The following ARFGEF1 variants were observed in gnomAD, a reference collection of about 807,000 sequenced individuals.
ARFGEF1 encodes the protein brefeldin A-inhibited guanine nucleotide-exchange protein 1.
Under a neutral mutation model 231.0 loss-of-function variants are expected in ARFGEF1, and 42 were observed. That is an observed-to-expected ratio of 0.18 (90% CI 0.14 to 0.24). The LOEUF (loss-of-function observed/expected upper bound fraction) is 0.24. Among genes scored for constraint, ARFGEF1 ranks in the 10% least tolerant of loss-of-function variants. The pLI, the probability that ARFGEF1 is intolerant of heterozygous loss-of-function variation, is 1.00. For missense variants in ARFGEF1, 1,345 were observed against 2,192.0 expected (o/e 0.61, Z 7.72); for synonymous variants, 710 against 732.3 (o/e 0.97, Z 0.49).
chr8:67,241,706 TAAC>T (rs1214546482), intron 19 of ARFGEF1, among the ~76,000 whole-genome samples: 1 of 151,888 alleles, frequency 6.6e-6, no homozygotes, highest in Admixed American at 6.6e-5. Context: ...ACACCAAATT[TAAC>T]AACTATCTAC....
chr8:67,315,993 A>C (rs1385565318), intron 1 of ARFGEF1, among the ~76,000 whole-genome samples: 2 of 152,160 alleles, frequency 1.3e-5, no homozygotes, highest in Non-Finnish European at 2.9e-5. Context: ...AGAAATCAAC[A>C]AAACTGAAAA....
chr8:67,265,575 T>C (rs1317671387), intron 14 of ARFGEF1, among the ~76,000 whole-genome samples: 2 of 152,116 alleles, frequency 1.3e-5, no homozygotes, highest in African/African-American at 4.8e-5. Flanking sequence ...CTCATCAACA[T>C]ATAAAAATGA....
downstream of ARFGEF1, chr8:67,195,637 G>A (rs746426693): frequency 2.6e-6 from 4 of 1,552,498 alleles, no homozygotes; most frequent in South Asian, 3.4e-5. Flanking sequence ...AAGGTGAAAG[G>A]AATGGTAAAT....
chr8:67,174,716 G>A (rs1253489338), downstream of ARFGEF1: 1 of 151,842 alleles, frequency 6.6e-6, no homozygotes, highest in Admixed American at 6.6e-5. Context: ...AGTGAGCCAA[G>A]ACCGTGCCAC....
rs111581499 is a variant in ARFGEF1 at position 67,333,040 on chromosome 8, CT to C, written c.124+10123del. Among the ~76,000 whole-genome samples the C allele has an allele frequency of 7.3e-3, 1,029 of 141,740 alleles. 5 individuals carry two copies. The highest frequency in any genetic ancestry group is 0.014 in the African/African-American group (531 of 37,934). 93.0% of individuals were successfully genotyped at this position (141,740 alleles called of 152,430 possible). On this transcript the variant is annotated intron_variant, in intron 1 of 38. Transcript: ENST00000262215. ...CTATTATTGCCTTAAAAATTAAATA[CT>C]TTTTTTTTTTTTTTGACAAGAGTCT...
At chr8:67,177,404 C>CTGCA (rs1455929334) in intron 5 of ARFGEF1, among the ~76,000 whole-genome samples, 1 of 152,108 alleles carries the variant, frequency 6.6e-6, no homozygotes, top group Non-Finnish European at 1.5e-5. Flanking sequence ...GTGAAGGATC[C>CTGCA]TGCATTGATC....
chr8:67,318,952 G>A (rs192389254), intron 1 of ARFGEF1, among the ~76,000 whole-genome samples: 34 of 152,262 alleles, frequency 2.2e-4, no homozygotes, highest in African/African-American at 3.4e-4. Flanking sequence ...GCAACAGAAC[G>A]AGACCCTGTC....
At position 67,197,662 on chromosome 8, in the gene ARFGEF1, G is replaced by A; in HGVS notation, c.*1272C>T. The A allele has an allele frequency of 7.1e-6, 7 of 985,822 alleles. No individual in the cohort carries two copies. Among genetic ancestry groups the A allele is most frequent in the Non-Finnish European group, 7.2e-6 (6 of 829,914 alleles). The allele number at this position is 985,822 out of a possible 1,614,324, so 61.1% of individuals were successfully genotyped here. A position where few individuals can be genotyped will look rare whatever the true frequency, so the allele number is the denominator to read the frequency against. ...CATGGGGGTGGGTTATACAGGTTTT[G>A]ATTGCACTGATGAAATAATTCAAAA... On this transcript the variant is annotated 3_prime_UTR_variant, in exon 39 of 39. Transcript: ENST00000262215.
At chr8:67,255,655 A>G (rs1409234537) in intron 17 of ARFGEF1, among the ~76,000 whole-genome samples, 1 of 152,254 alleles carries the variant, frequency 6.6e-6, no homozygotes, top group African/African-American at 2.4e-5. Context: ...GATCACGGGT[A>G]CAATTTTCTA....
intron 18 of ARFGEF1, among the ~76,000 whole-genome samples, chr8:67,252,282 C>CAAAAAA (rs57653248): frequency 9.1e-5 from 2 of 21,878 alleles, no homozygotes; most frequent in Non-Finnish European, 2.0e-4. Context: ...AACTCCATCT[C>CAAAAAA]AAAAAAAAAA....
chr8:67,205,914 G>A (rs1838497849), intron 34 of ARFGEF1, among the ~76,000 whole-genome samples: 1 of 151,272 alleles, frequency 6.6e-6, no homozygotes, highest in African/African-American at 2.4e-5. Flanking sequence ...TAAAAAAATA[G>A]GTTATATGAA....
At chr8:67,222,184 T>TATATATATATATATATATACACACAC (rs1554636799) in intron 29 of ARFGEF1, among the ~76,000 whole-genome samples, 8 of 65,680 alleles carry the variant, frequency 1.2e-4, no homozygotes, top group East Asian at 1.2e-3. Context: ...TATATACACA[T>TATATATATATATATATATACACACAC]ATATATATAT....
chr8:67,318,261 C>T (rs984159652), intron 1 of ARFGEF1, among the ~76,000 whole-genome samples: 4 of 140,100 alleles, frequency 2.9e-5, no homozygotes, highest in African/African-American at 1.0e-4. Context: ...AAAAAAAAGG[C>T]TAAAGAAGAA....
intron 35 of ARFGEF1, among the ~76,000 whole-genome samples, chr8:67,203,479 C>T (rs777201662): frequency 1.3e-5 from 2 of 152,194 alleles, no homozygotes; most frequent in Non-Finnish European, 2.9e-5. Flanking sequence ...CCTGGCCCTG[C>T]GTTCCTCAGC....
intron 30 of ARFGEF1, 33 bp downstream of exon 30, chr8:67,219,398 A>G: frequency 1.3e-6 from 2 of 1,593,932 alleles, no homozygotes; most frequent in African/African-American, 1.3e-5. Context: ...TTTTAACTTG[A>G]CTAAGCTAAA....
downstream of ARFGEF1, among the ~76,000 whole-genome samples, chr8:67,193,793 A>G (rs531172553): frequency 6.6e-5 from 10 of 152,350 alleles, no homozygotes; most frequent in Admixed American, 2.0e-4. Flanking sequence ...GATTTTCTCT[A>G]TCAGAGAGGG....
rs192007727 is a variant in ARFGEF1 at position 67,247,036 on chromosome 8, T to C, written c.2850+4263A>G. On this transcript the variant is annotated intron_variant, in intron 19 of 38. Coordinates refer to ENST00000262215, the MANE Select transcript of ARFGEF1 (RefSeq NM_006421.5). ...CCTAGACACATAGAATCTATGAAGA[T>C]TGAACCAAGAAGAAATTCAAAACCT... Among the ~76,000 whole-genome samples, 7 of 150,136 alleles carry C rather than the reference T, an allele frequency of 4.7e-5. No homozygotes were observed. The East Asian group carries it at 7.7e-4, about 17-fold the overall frequency.
At chr8:67,219,631 G>T in intron 29 of ARFGEF1, 71 bp from the exon 30 acceptor site, 1 of 1,460,254 alleles carries the variant, frequency 6.8e-7, no homozygotes. Flanking sequence ...AGTTTTTAGA[G>T]TTCACAAAGC....
intron 33 of ARFGEF1, among the ~76,000 whole-genome samples, chr8:67,216,346 C>T (rs1416383303): frequency 1.3e-5 from 2 of 152,084 alleles, no homozygotes; most frequent in Admixed American, 6.5e-5. Flanking sequence ...CCTTCCACCA[C>T]GTGAGAATGC....
Sources: gnomAD v4.1 joint callset for allele counts (sites outside exome capture counted in the v4.1 genomes callset) on GRCh38, gnomAD v4.1.1 for gene constraint, MANE v1.5 for transcripts, NCBI Gene and HGNC (gene_info 2026-07-23, HGNC 2026-07-21) for gene names.